Variants in PACS2 observed in about 807,000 individuals in gnomAD.
PACS2 encodes PACS1-like protein.
PACS2 carries 36 observed loss-of-function variants against 113.0 expected under a neutral mutation model. That is an observed-to-expected ratio of 0.32 (90% CI 0.24 to 0.42). PACS2 has a LOEUF of 0.42. PACS2 is among the 10% of genes least tolerant of loss of function. The probability of loss-of-function intolerance (pLI) is 1.00; values close to 1 mark genes in which losing one functional copy is unlikely to be tolerated. For missense variants in PACS2, 1,015 were observed against 1,239.5 expected, an observed-to-expected ratio of 0.82 and a Z score of 2.72; for synonymous variants, 589 against 536.1, an observed-to-expected ratio of 1.10 and a Z score of -1.36.
intron 13 of PACS2, 28 bp from the exon 14 acceptor site, chr14:105,382,449 G>T: frequency 7.6e-7 from 1 of 1,318,628 alleles, no homozygotes. Context: ...CTTCTCTTCT[G>T]GGTGTGGACA....
chr14:105,334,967 A>G (rs931482338), intron 1 of PACS2, among the ~76,000 whole-genome samples: 1 of 151,758 alleles, frequency 6.6e-6, no homozygotes, highest in African/African-American at 2.4e-5. Context: ...GGCACACTGT[A>G]CACCTGCACA....
upstream of PACS2, chr14:105,314,541 C>T (rs1169341841): frequency 6.8e-6 from 1 of 146,788 alleles, no homozygotes; most frequent in African/African-American, 2.5e-5. Flanking sequence ...CGGGGACGCC[C>T]CGTGAGGCGC....
chr14:105,345,085 G>A (rs1401664361), intron 1 of PACS2, among the ~76,000 whole-genome samples: 4 of 151,534 alleles, frequency 2.6e-5, no homozygotes, highest in Non-Finnish European at 5.9e-5. Context: ...CTCCAGCCTG[G>A]GCAACACAGT....
intron 9 of PACS2, among the ~76,000 whole-genome samples, chr14:105,378,769 C>T (rs587733845): frequency 3.6e-4 from 55 of 152,350 alleles, no homozygotes; most frequent in African/African-American, 8.2e-4. Context: ...GGTCTCCCTT[C>T]CTCCTTTTTC....
intron 11 of PACS2, 132 bp from the exon 12 acceptor site, chr14:105,380,825 C>T: frequency 2.4e-6 from 2 of 833,774 alleles, no homozygotes; most frequent in African/African-American, 1.7e-5. Flanking sequence ...CAGCGTATGG[C>T]CGGGTCCACA....
At chr14:105,380,660 G>A (rs587620696) in intron 11 of PACS2, among the ~76,000 whole-genome samples, 3 of 152,268 alleles carry the variant, frequency 2.0e-5, no homozygotes, top group East Asian at 1.9e-4. Context: ...ACCCAGGAAC[G>A]CCTGGTTCCC....
Position 105,355,583 on chromosome 14 carries a change from T to C in PACS2, c.423+406T>C, listed in dbSNP as rs1030163849. Among the ~76,000 whole-genome samples, 1 of 152,140 alleles carries C rather than the reference T, an allele frequency of 6.6e-6. No individual in the cohort carries two copies. The highest frequency in any genetic ancestry group is 1.5e-5 in the Non-Finnish European group (1 of 68,026). The stretch of plus-strand genomic sequence containing the variant: ...GCTCAGCACGTGCTCTGGCCCAGGA[T>C]TGGCTGAGCAGGAGCAGGACAGGTG... On this transcript the variant is annotated intron_variant, in intron 4 of 24. Transcript: ENST00000447393. The surrounding 1 kb of genome is among the most constrained non-coding windows in gnomAD (Gnocchi z 4.1).
At position 105,376,145 on chromosome 14, in the gene PACS2, C is replaced by T. The variant is rs782552881; in HGVS notation, c.802-623C>T. On this transcript the variant is annotated intron_variant, in intron 8 of 24. Transcript: ENST00000447393. This position sits in a 1 kb window ranked among gnomAD's most constrained non-coding sequence, Gnocchi z 4.7. ...CGTGGAGGAAACCACCCCCAGGATC[C>T]AGTTACCTCCACTTGTCCTGCCCTT... Among the ~76,000 whole-genome samples the T allele has an allele frequency of 3.3e-5, 5 of 152,080 alleles. No homozygotes were observed. The highest frequency in any genetic ancestry group is 5.9e-5 in the Non-Finnish European group (4 of 68,008).
At chr14:105,362,278 C>A (rs376893875) in intron 4 of PACS2, among the ~76,000 whole-genome samples, 22 of 137,082 alleles carry the variant, frequency 1.6e-4, no homozygotes, top group Non-Finnish European at 2.7e-4. Flanking sequence ...ATTAGCTGGG[C>A]GTGGTGGCGG....
At chr14:105,353,026 G>A (rs1435519795) in intron 3 of PACS2, among the ~76,000 whole-genome samples, 3 of 122,956 alleles carry the variant, frequency 2.4e-5, no homozygotes, top group South Asian at 5.6e-4. Context: ...CTGGGGAGAC[G>A]GGCACCCCCA....
rs587725072 is a variant in PACS2 at position 105,380,950 on chromosome 14, T to C, written c.1126-7T>C. On this transcript the variant is annotated splice_polypyrimidine_tract_variant and splice_region_variant and intron_variant, in intron 11 of 24. Coordinates refer to ENST00000447393, the MANE Select transcript of PACS2 (RefSeq NM_001100913.3). ...CGGGAGGCTCCAGGCCCGTCTCTGCTCAGCAGGGTGTGCCAGGCCCGAGGG... is the reference window on the plus strand; with the variant it reads ...CGGGAGGCTCCAGGCCCGTCTCTGCCCAGCAGGGTGTGCCAGGCCCGAGGG... 3.7e-6 allele frequency: 6 copies of C among 1,608,174 alleles called. No homozygotes were observed. Among genetic ancestry groups the C allele is most frequent in the Non-Finnish European group, 4.2e-6 (5 of 1,177,210 alleles).
At position 105,348,691 on chromosome 14, in the gene PACS2, G is replaced by A; in HGVS notation, c.207+111G>A. 1.2e-6 allele frequency: 1 copy of A among 807,638 alleles called. No individual in the cohort carries two copies. Among genetic ancestry groups the A allele is most frequent in the Non-Finnish European group, 2.1e-6 (1 of 475,592 alleles). 50.0% of individuals were successfully genotyped at this position (807,638 alleles called of 1,614,324 possible). A position where few individuals can be genotyped will look rare whatever the true frequency, so the allele number is the denominator to read the frequency against. The stretch of plus-strand genomic sequence containing the variant: ...GTGGGGCCTTGTGCCAAAACAGCGG[G>A]CAGCCCATGCCATCTCCGGGAGCCC... On this transcript the variant is annotated intron_variant, in intron 2 of 24. Coordinates refer to ENST00000447393, the MANE Select transcript of PACS2 (RefSeq NM_001100913.3). The surrounding 1 kb of genome is among the most constrained non-coding windows in gnomAD (Gnocchi z 6.4).
chr14:105,351,110 G>A (rs2060158850), intron 2 of PACS2, among the ~76,000 whole-genome samples: 1 of 152,198 alleles, frequency 6.6e-6, no homozygotes, highest in African/African-American at 2.4e-5. Flanking sequence ...CCAGCCACCT[G>A]GCACCTCTCA....
intron 1 of PACS2, among the ~76,000 whole-genome samples, chr14:105,316,786 T>C (rs1469217994): frequency 7.3e-6 from 1 of 136,282 alleles, no homozygotes; most frequent in South Asian, 2.4e-4. Context: ...CACTAAGTGC[T>C]GGGGGGGGTC....
rs1345135865 is a variant in PACS2, at chr14:105,365,295, A to T, written c.424-1918A>T. 6.6e-6 allele frequency among the ~76,000 whole-genome samples: 1 copy of T among 152,206 alleles called. No individual in the cohort carries two copies. The highest frequency in any genetic ancestry group is 1.5e-5 in the Non-Finnish European group (1 of 68,032). ...GGCTGGCCCCTTGGCAGGAGGACGC[A>T]CGCCCCAAGGAGCACTGTCAGGAGG... On this transcript the variant is annotated intron_variant, in intron 4 of 24. Transcript: ENST00000447393. The surrounding 1 kb of genome is among the most constrained non-coding windows in gnomAD (Gnocchi z 5.1).
At chr14:105,300,775 C>A in exon 1 of PACS2, 1 of 557,736 alleles carries the variant, frequency 1.8e-6, no homozygotes, top group Non-Finnish European at 2.5e-6. Flanking sequence ...TTCGCAGCCG[C>A]AGATTCGCCG....
chr14:105,349,728 C>T (rs2060082960), intron 2 of PACS2, among the ~76,000 whole-genome samples: 1 of 152,292 alleles, frequency 6.6e-6, no homozygotes, highest in African/African-American at 2.4e-5. Flanking sequence ...TTAGCAGCAG[C>T]CTACATCTGC....
chr14:105,347,724 G>A (rs2059995108), intron 1 of PACS2, among the ~76,000 whole-genome samples: 2 of 152,336 alleles, frequency 1.3e-5, no homozygotes, highest in East Asian at 1.9e-4. Context: ...CAAAGTTTCC[G>A]GAAAGCTTGC....
chr14:105,342,230 C>CTCTGTGTGTGTGTGTG (rs1491393178), intron 1 of PACS2, among the ~76,000 whole-genome samples: 2 of 140,248 alleles, frequency 1.4e-5, no homozygotes, highest in African/African-American at 5.3e-5. Flanking sequence ...AAGCTGCTGC[C>CTCTGTGTGTGTGTGTG]TGTGTGTGTG....
Sources: allele counts gnomAD v4.1 joint callset (sites outside exome capture counted in the v4.1 genomes callset), GRCh38; gene constraint gnomAD v4.1.1; non-coding constraint Gnocchi (gnomAD v3.1); transcripts MANE v1.5; gene names NCBI Gene and HGNC (gene_info 2026-07-23, HGNC 2026-07-21).